ASCC1: variants seen among roughly 807,000 people sequenced by gnomAD.
ASCC1 encodes activating signal cointegrator 1 complex subunit 1.
A neutral mutation model predicts 46.6 loss-of-function variants in ASCC1; 35 were observed. That is an observed-to-expected ratio of 0.75 (90% confidence interval 0.57 to 0.99). The LOEUF is 0.99. Ranked by LOEUF, ASCC1 falls within the 50% of genes least tolerant of loss-of-function variation. The pLI is 0.00. For missense variants in ASCC1, 376 were observed against 428.7 expected (o/e 0.88, Z 1.09); for synonymous variants, 143 against 146.6 (o/e 0.98, Z 0.18).
chr10:72,214,711 G>C (rs1418176233), intron 1 of ASCC1, among the ~76,000 whole-genome samples: 1 of 151,844 alleles, frequency 6.6e-6, no homozygotes, highest in Non-Finnish European at 1.5e-5. Flanking sequence ...TTAAGACAAT[G>C]AGGGATATTT....
intron 1 of ASCC1, 165 bp downstream of exon 1, chr10:72,216,042 G>C (rs1030717564): frequency 1.3e-5 from 2 of 152,358 alleles, no homozygotes; most frequent in Non-Finnish European, 1.5e-5. Context: ...TCCGTCTGTT[G>C]GGGGGCGAAC....
chr10:72,170,867 CAG>C (rs1850991244), intron 5 of ASCC1, among the ~76,000 whole-genome samples: 1 of 151,988 alleles, frequency 6.6e-6, no homozygotes, highest in Non-Finnish European at 1.5e-5. Flanking sequence ...TTGCCAGACA[CAG>C]TGGTGCACGC....
At chr10:72,136,393 CA>C (rs1846205870) in intron 7 of ASCC1, among the ~76,000 whole-genome samples, 2 of 152,238 alleles carry the variant, frequency 1.3e-5, no homozygotes, top group South Asian at 4.1e-4. Context: ...GTAAACGCAC[CA>C]ATCAGCACTC....
At chr10:72,145,752 C>G (rs929471274) in intron 7 of ASCC1, among the ~76,000 whole-genome samples, 1 of 152,126 alleles carries the variant, frequency 6.6e-6, no homozygotes, top group Non-Finnish European at 1.5e-5. Context: ...TCTGTTTTCC[C>G]CACTTGTCTG....
At chr10:72,103,378 C>T (rs1462088992) in intron 9 of ASCC1, among the ~76,000 whole-genome samples, 2 of 151,362 alleles carry the variant, frequency 1.3e-5, no homozygotes, top group Non-Finnish European at 2.9e-5. Context: ...GTGATCCACC[C>T]GCCTCAGCCT....
intron 5 of ASCC1, among the ~76,000 whole-genome samples, chr10:72,179,033 C>A (rs1183235173): frequency 1.3e-5 from 2 of 152,020 alleles, no homozygotes; most frequent in African/African-American, 4.8e-5. Flanking sequence ...ATCCATATGA[C>A]ACTTCTTTTC....
chr10:72,136,121 C>CA (rs1231678992), intron 7 of ASCC1, among the ~76,000 whole-genome samples: 1 of 152,174 alleles, frequency 6.6e-6, no homozygotes, highest in East Asian at 1.9e-4. Context: ...CTCCTGGGGT[C>CA]AAGCTATCCT....
At chr10:72,184,398 T>TA (rs1853136326) in intron 5 of ASCC1, among the ~76,000 whole-genome samples, 1 of 152,124 alleles carries the variant, frequency 6.6e-6, no homozygotes, top group Admixed American at 6.5e-5. Flanking sequence ...AATACCTAAC[T>TA]ATATGCTGTC....
At chr10:72,109,843 C>T (rs982954987) in intron 9 of ASCC1, among the ~76,000 whole-genome samples, 3 of 152,166 alleles carry the variant, frequency 2.0e-5, no homozygotes, top group Admixed American at 1.3e-4. Context: ...TACGCTGACC[C>T]GGCTGGAGAA....
chr10:72,209,605 G>A (rs971126720), intron 3 of ASCC1, among the ~76,000 whole-genome samples: 1 of 151,578 alleles, frequency 6.6e-6, no homozygotes, highest in African/African-American at 2.4e-5. Context: ...CCAACATGGC[G>A]AAACCCCATC....
chr10:72,123,561 G>C (rs182941190), intron 9 of ASCC1, among the ~76,000 whole-genome samples: 2 of 152,094 alleles, frequency 1.3e-5, no homozygotes, highest in Non-Finnish European at 2.9e-5. Flanking sequence ...TGTACTTTCT[G>C]CTCAATTTTG....
chr10:72,160,344 T>G (rs1849496213), intron 6 of ASCC1, among the ~76,000 whole-genome samples: 1 of 152,166 alleles, frequency 6.6e-6, no homozygotes, highest in Admixed American at 6.5e-5. Flanking sequence ...GTAAAAAAAC[T>G]ATTTGAGTGA....
chr10:72,195,235 C>T (rs1404450183), intron 5 of ASCC1, among the ~76,000 whole-genome samples: 2 of 150,496 alleles, frequency 1.3e-5, no homozygotes, highest in African/African-American at 2.4e-5. Context: ...ACACCTCCAC[C>T]TCCTAGGCTC....
At position 72,203,436 on chromosome 10, in the gene ASCC1, C is replaced by A; in HGVS notation, c.301G>T (p.Gly101Trp). ...ATCTACTGAGTCTCACCAATTTCCC[C>A]GTCTTGTCCAGGTTTAGGAATGCTA... ...SISIPKPGQD[G>W]EIVITGQHRN... The change falls in exon 4 of 10, where the codon GGG becomes TGG. Residue 101 changes from glycine (G) to tryptophan (W), a missense_variant. By Grantham distance (184) the Gly-to-Trp change is radical. Coordinates refer to ENST00000672957, the MANE Select transcript of ASCC1 (RefSeq NM_001198800.3). 6.2e-7 allele frequency: 1 copy of A among 1,612,148 alleles called. No individual in the cohort carries two copies. Among genetic ancestry groups the A allele is most frequent in the Middle Eastern group, 1.7e-4 (1 of 6,058 alleles).
At chr10:72,120,327 A>G (rs1844043880) in intron 9 of ASCC1, among the ~76,000 whole-genome samples, 1 of 152,196 alleles carries the variant, frequency 6.6e-6, no homozygotes, top group Admixed American at 6.5e-5. Flanking sequence ...TGGCTGAGAA[A>G]GAATCTCTGA....
intron 7 of ASCC1, among the ~76,000 whole-genome samples, chr10:72,143,572 A>T (rs1847283082): frequency 6.7e-6 from 1 of 149,902 alleles, no homozygotes; most frequent in Non-Finnish European, 1.5e-5. Context: ...AGAAAGTATA[A>T]TATGCAAGAT....
chr10:72,139,352 G>T (rs1846696295), intron 7 of ASCC1, among the ~76,000 whole-genome samples: 2 of 151,558 alleles, frequency 1.3e-5, no homozygotes, highest in Non-Finnish European at 2.9e-5. Context: ...CTGACCTCGT[G>T]ATCCACCCAA....
intron 9 of ASCC1, among the ~76,000 whole-genome samples, chr10:72,123,104 G>A (rs1393156454): frequency 2.0e-5 from 3 of 152,102 alleles, no homozygotes; most frequent in Non-Finnish European, 4.4e-5. Context: ...TTGGGAGGCC[G>A]AGGCAGGCAG....
chr10:72,108,076 C>CTTTTTTTT (rs375287948), intron 9 of ASCC1, among the ~76,000 whole-genome samples: 2 of 128,352 alleles, frequency 1.6e-5, no homozygotes, highest in Non-Finnish European at 3.3e-5. Flanking sequence ...TTTTCTTTTT[C>CTTTTTTTT]TTTTTTTTTT....
Sources: allele counts gnomAD v4.1 joint callset (sites outside exome capture counted in the v4.1 genomes callset), GRCh38; gene constraint gnomAD v4.1.1; transcripts MANE v1.5; gene names NCBI Gene and HGNC (gene_info 2026-07-23, HGNC 2026-07-21).